The following ZNF317 variants were observed in gnomAD, a reference collection of about 807,000 sequenced individuals.
ZNF317 encodes the protein zinc finger protein 317.
ZNF317 carries 17 observed loss-of-function variants against 23.4 expected under a neutral mutation model. That is an observed-to-expected ratio of 0.73 (90% CI 0.50 to 1.09). ZNF317 has a LOEUF of 1.09. ZNF317 is among the 50% of genes least tolerant of loss of function. ZNF317 has a pLI of 0.00. For synonymous variants in ZNF317, 317 were observed against 314.9 expected, an observed-to-expected ratio of 1.01 and a Z score of -0.07; for missense variants, 679 against 796.7, an observed-to-expected ratio of 0.85 and a Z score of 1.78.
chr19:9,157,118 C>T, intron 3 of ZNF317, 150 bp from the exon 4 acceptor site: 1 of 943,400 alleles, frequency 1.1e-6, no homozygotes, highest in Non-Finnish European at 1.6e-6. Context: ...TGTCTGAGGA[C>T]TGATGCCTGG....
chr19:9,147,489 C>T (rs943217399), intron 1 of ZNF317, among the ~76,000 whole-genome samples: 12 of 151,852 alleles, frequency 7.9e-5, no homozygotes, highest in East Asian at 3.9e-4. Context: ...TACAGGCGCC[C>T]GCCACCGCGC....
chr19:9,156,101 G>A, intron 2 of ZNF317, 60 bp downstream of exon 2: 4 of 1,603,772 alleles, frequency 2.5e-6, no homozygotes, highest in Non-Finnish European at 3.4e-6. Flanking sequence ...CCTGCCACTT[G>A]ATGGGGTGAA....
At chr19:9,152,651 C>T (rs1435683629) in intron 1 of ZNF317, among the ~76,000 whole-genome samples, 1 of 152,206 alleles carries the variant, frequency 6.6e-6, no homozygotes, top group Non-Finnish European at 1.5e-5. Flanking sequence ...TTCAGGAAAA[C>T]ACTCTCAGGG....
Position 9,161,560 on chromosome 19 carries a change from G to C in ZNF317, c.*127G>C. The C allele has an allele frequency of 7.1e-7, 1 of 1,415,942 alleles. No individual in the cohort carries two copies. The highest frequency in any genetic ancestry group is 9.5e-7 in the Non-Finnish European group (1 of 1,055,210). 87.7% of individuals were successfully genotyped at this position (1,415,942 alleles called of 1,614,324 possible). ...ATCCACGGAACTTGGGAGAAGTCCAGTTCCTGTAAAAACTGGGAAGACGAG... is the reference window on the plus strand; with the variant it reads ...ATCCACGGAACTTGGGAGAAGTCCACTTCCTGTAAAAACTGGGAAGACGAG... On this transcript the variant is annotated 3_prime_UTR_variant, in exon 7 of 7. Transcript: ENST00000247956. The surrounding 1 kb of genome is among the most constrained non-coding windows in gnomAD (Gnocchi z 4.0).
chr19:9,142,471 A>G (rs574381637), intron 1 of ZNF317, among the ~76,000 whole-genome samples: 1 of 149,664 alleles, frequency 6.7e-6, no homozygotes, highest in South Asian at 2.1e-4. Context: ...AATAGTTTTT[A>G]TTAGGTCAAG....
At position 9,163,145 on chromosome 19, in the gene ZNF317, TG is replaced by T. The variant is rs1174337378; in HGVS notation, c.*1713del. 1 of 152,234 alleles carries T rather than the reference TG, an allele frequency of 6.6e-6. No homozygotes were observed. Among genetic ancestry groups the T allele is most frequent in the Non-Finnish European group, 1.5e-5 (1 of 68,050 alleles). The allele number at this position is 152,234 out of a possible 1,614,324, so 9.4% of individuals were successfully genotyped here. ...CCACATGGGCTTCTGAGAAAGCTCT[TG>T]AATGGGGATCGTTCTTAAACATGAA... is the stretch of plus-strand genomic sequence containing the variant. On this transcript the variant is annotated 3_prime_UTR_variant, in exon 7 of 7. Transcript: ENST00000247956.
chr19:9,142,992 C>A (rs1338417033), intron 1 of ZNF317, among the ~76,000 whole-genome samples: 3 of 152,056 alleles, frequency 2.0e-5, no homozygotes, highest in Non-Finnish European at 4.4e-5. Flanking sequence ...TTCCTTAGAA[C>A]GGGAGTGGTA....
At chr19:9,157,735 C>A in intron 4 of ZNF317, 2 of 1,088,728 alleles carry the variant, frequency 1.8e-6, no homozygotes, top group African/African-American at 1.6e-5. Flanking sequence ...CACTATGTTG[C>A]CCAGACTGAT....
intron 1 of ZNF317, among the ~76,000 whole-genome samples, chr19:9,141,703 T>C (rs912155450): frequency 2.6e-5 from 4 of 152,216 alleles, no homozygotes; most frequent in African/African-American, 4.8e-5. Context: ...ATTTGAACTT[T>C]GGGAATATTG....
At chr19:9,152,087 T>C (rs1408115924) in intron 1 of ZNF317, among the ~76,000 whole-genome samples, 1 of 152,072 alleles carries the variant, frequency 6.6e-6, no homozygotes, top group Non-Finnish European at 1.5e-5. Flanking sequence ...TTTGTATTTT[T>C]AGTAGAGATG....
rs571535732 is a variant in ZNF317 at position 9,152,128 on chromosome 19, G to A, written c.-92-3797G>A. Among the ~76,000 whole-genome samples, 8 of 151,816 alleles carry A rather than the reference G, an allele frequency of 5.3e-5. No individual in the cohort carries two copies. In the South Asian group the frequency reaches 1.2e-3, roughly 24 times the overall value. On this transcript the variant is annotated intron_variant, in intron 1 of 6. Transcript: ENST00000247956. ...TTACCGTGTTAGCCAGGATGGTCTC[G>A]ATCTCCTGACCTCCTGATCCACCCG...
intron 5 of ZNF317, 113 bp from the exon 6 acceptor site, chr19:9,158,713 C>T: frequency 2.8e-6 from 2 of 715,130 alleles, no homozygotes; most frequent in South Asian, 1.7e-5. Flanking sequence ...ATTGCTTTTG[C>T]ACCACTTTTC....
intron 1 of ZNF317, among the ~76,000 whole-genome samples, chr19:9,146,864 T>C (rs1011306814): frequency 1.1e-4 from 17 of 152,242 alleles, no homozygotes; most frequent in African/African-American, 3.9e-4. Flanking sequence ...ATACTGTGAT[T>C]AAGTTGAATA....
At chr19:9,153,307 ATGCACCACCATGCCCAGC>A (rs752924335) in intron 1 of ZNF317, among the ~76,000 whole-genome samples, 10,078 of 152,052 alleles carry the variant, frequency 0.066, 340 homozygotes, top group Middle Eastern at 0.12. Flanking sequence ...GATTACAGGC[ATGCACCACCATGCCCAGC>A]TAATTCTTTG....
rs977308218 is a variant in ZNF317, at chr19:9,146,510, C to T, written c.-93+5918C>T. Among the ~76,000 whole-genome samples, 5 of 151,506 alleles carry T rather than the reference C, an allele frequency of 3.3e-5. No homozygotes were observed. In the South Asian group the frequency reaches 6.2e-4, roughly 19 times the overall value. ...TGGCATGATCTTGGCTTACTGCAAC[C>T]TCCGCCTCTCAGGTTCAAGCAATCT... On this transcript the variant is annotated intron_variant, in intron 1 of 6. Transcript: ENST00000247956.
At chr19:9,144,887 G>A (rs2050669556) in intron 1 of ZNF317, among the ~76,000 whole-genome samples, 1 of 150,190 alleles carries the variant, frequency 6.7e-6, no homozygotes, top group Non-Finnish European at 1.5e-5. Flanking sequence ...CAAGCCCACA[G>A]GAACTTTGTT....
At chr19:9,147,837 C>T (rs1266096252) in intron 1 of ZNF317, among the ~76,000 whole-genome samples, 4 of 152,142 alleles carry the variant, frequency 2.6e-5, no homozygotes, top group African/African-American at 7.2e-5. Context: ...CCGCCCCCTC[C>T]CCCCCTCCAA....
rs142735458 is a variant in ZNF317 at position 9,158,134 on chromosome 19, G to T, written c.385+59G>T. 643 of 1,503,376 alleles carry T rather than the reference G, an allele frequency of 4.3e-4. 5 individuals carry two copies. In the East Asian group the frequency reaches 0.013, roughly 30 times the overall value. 93.1% of individuals were successfully genotyped at this position (1,503,376 alleles called of 1,614,324 possible). ...ACTCTACCTCTATTCAGTGACTGGG[G>T]TGGAGGGAGGTAGGTTAGGGAGTGT... On this transcript the variant is annotated intron_variant, in intron 5 of 6. Transcript: ENST00000247956.
intron 1 of ZNF317, among the ~76,000 whole-genome samples, chr19:9,142,255 C>A (rs955364334): frequency 1.2e-4 from 18 of 152,144 alleles, no homozygotes; most frequent in African/African-American, 4.1e-4. Flanking sequence ...GTGTACAATT[C>A]AAAAGGAAAA....
Sources: allele counts gnomAD v4.1 joint callset (sites outside exome capture counted in the v4.1 genomes callset), GRCh38; gene constraint gnomAD v4.1.1; non-coding constraint Gnocchi (gnomAD v3.1); transcripts MANE v1.5; gene names NCBI Gene and HGNC (gene_info 2026-07-23, HGNC 2026-07-21).